GATA4: variants seen among roughly 807,000 people sequenced by gnomAD.
GATA4 encodes GATA binding protein 4.
GATA4 carries 7 observed loss-of-function variants against 37.9 expected under a neutral mutation model. The observed-to-expected ratio is 0.18, with a 90% CI of 0.11 to 0.35. The LOEUF (loss-of-function observed/expected upper bound fraction) is 0.35. GATA4 is among the 10% of genes least tolerant of loss of function. The pLI, the probability that GATA4 is intolerant of heterozygous loss-of-function variation, is 1.00. For synonymous variants in GATA4, 372 were observed against 292.6 expected, an observed-to-expected ratio of 1.27 and a Z score of -2.77; for missense variants, 647 against 653.0, an observed-to-expected ratio of 0.99 and a Z score of 0.10.
chr8:11,688,251 C>T (rs949827834), upstream of GATA4, among the ~76,000 whole-genome samples: 8 of 152,188 alleles, frequency 5.3e-5, no homozygotes, highest in African/African-American at 1.9e-4. Flanking sequence ...TGCGTCTATG[C>T]CTGAGGTCTC....
At chr8:11,742,323 A>C (rs532595494) in intron 2 of GATA4, among the ~76,000 whole-genome samples, 1 of 146,534 alleles carries the variant, frequency 6.8e-6, no homozygotes, top group African/African-American at 2.5e-5. Flanking sequence ...TTGTTCTTCA[A>C]CCTCTTCCTC....
At chr8:11,695,249 T>C (rs1799469928) in intron 1 of GATA4, among the ~76,000 whole-genome samples, 1 of 151,794 alleles carries the variant, frequency 6.6e-6, no homozygotes, top group East Asian at 1.9e-4. Context: ...CTATTAAAAA[T>C]ACAAAAATTA....
chr8:11,700,275 C>T (rs558489493), upstream of GATA4, among the ~76,000 whole-genome samples: 2 of 152,338 alleles, frequency 1.3e-5, no homozygotes, highest in Non-Finnish European at 2.9e-5. Flanking sequence ...AAGATGTATT[C>T]GCTTTGCAAC....
chr8:11,695,400 C>G (rs192619661), intron 1 of GATA4, among the ~76,000 whole-genome samples: 1 of 151,850 alleles, frequency 6.6e-6, no homozygotes, highest in Admixed American at 6.6e-5. Flanking sequence ...GAGTGAAACT[C>G]CATCTCAAAA....
intron 2 of GATA4, among the ~76,000 whole-genome samples, chr8:11,734,915 G>C (rs776143531): frequency 6.6e-6 from 1 of 152,120 alleles, no homozygotes; most frequent in Non-Finnish European, 1.5e-5. Context: ...ATCTAAATTT[G>C]GGTTATTCAC....
At chr8:11,685,285 G>C (rs1799101276) in intron 1 of GATA4, among the ~76,000 whole-genome samples, 1 of 152,224 alleles carries the variant, frequency 6.6e-6, no homozygotes, top group Admixed American at 6.5e-5. Flanking sequence ...AGAAAGAGAA[G>C]AGAGAAGACT....
chr8:11,686,170 C>G (rs1203203587), intron 1 of GATA4, among the ~76,000 whole-genome samples: 1 of 151,092 alleles, frequency 6.6e-6, no homozygotes, highest in African/African-American at 2.4e-5. Flanking sequence ...GAAGTGAGAT[C>G]CCACCATAAA....
rs981146712 is a variant in GATA4 at position 11,759,903 on chromosome 8, C to T, written c.*1428C>T. The T allele has an allele frequency of 3.9e-5, 6 of 152,784 alleles. No individual in the cohort carries two copies. The East Asian group carries it at 5.8e-4, about 15-fold the overall frequency. 9.5% of individuals were successfully genotyped at this position (152,784 alleles called of 1,614,324 possible). On this transcript the variant is annotated 3_prime_UTR_variant, in exon 7 of 7. Coordinates refer to ENST00000532059, the MANE Select transcript of GATA4 (RefSeq NM_001308093.3). ...CATTGTTTTCTTCCAAAGGCCCCCT[C>T]GTATACCCTCCCTAACCCACAAACC...
At position 11,709,473 on chromosome 8, in the gene GATA4, A is replaced by T. The variant is rs1800063620; in HGVS notation, c.616+545A>T. ...CGTCGGGGGTCTCACACCGAGAACAAAGGAGGGATGGACAAAGGAGACGCC... is the reference window on the plus strand; with the variant it reads ...CGTCGGGGGTCTCACACCGAGAACATAGGAGGGATGGACAAAGGAGACGCC... On this transcript the variant is annotated intron_variant, in intron 2 of 6. Transcript: ENST00000532059. The surrounding 1 kb of genome is among the most constrained non-coding windows in gnomAD (Gnocchi z 4.3). 6.6e-6 allele frequency among the ~76,000 whole-genome samples: 1 copy of T among 150,380 alleles called. No individual in the cohort carries two copies. Among genetic ancestry groups the T allele is most frequent in the African/African-American group, 2.5e-5 (1 of 40,768 alleles).
chr8:11,709,108 A>G lies in GATA4; in HGVS notation c.616+180A>G, dbSNP rs1490823612. ...GGGGCTGGCGACATCACAGCCCCAG[A>G]AGACCGGCTTCTGTGGAAGGGGCCG... On this transcript the variant is annotated intron_variant, in intron 2 of 6. Transcript: ENST00000532059. The surrounding 1 kb of genome is among the most constrained non-coding windows in gnomAD (Gnocchi z 4.3). Among the ~76,000 whole-genome samples the G allele has an allele frequency of 1.3e-5, 2 of 152,032 alleles. No homozygotes were observed. Among genetic ancestry groups the G allele is most frequent in the East Asian group, 3.9e-4 (2 of 5,152 alleles).
intron 4 of GATA4, among the ~76,000 whole-genome samples, chr8:11,752,860 G>A (rs1484895325): frequency 6.6e-6 from 1 of 152,112 alleles, no homozygotes; most frequent in Non-Finnish European, 1.5e-5. Flanking sequence ...ATGTATACAA[G>A]GATGTTTGTT....
chr8:11,678,420 G>A (rs745307442), intron 1 of GATA4, among the ~76,000 whole-genome samples: 1 of 152,154 alleles, frequency 6.6e-6, no homozygotes, highest in Non-Finnish European at 1.5e-5. Context: ...ACAATCATCT[G>A]CATTGCTTAT....
At chr8:11,726,299 C>T (rs1563211711) in intron 2 of GATA4, among the ~76,000 whole-genome samples, 2 of 152,216 alleles carry the variant, frequency 1.3e-5, no homozygotes, top group Admixed American at 6.5e-5. Flanking sequence ...GCCAGTTTTA[C>T]AGGGAGAAGG....
At chr8:11,755,206 C>T (rs1031174255) in intron 5 of GATA4, 73 bp downstream of exon 5, 105 of 1,322,918 alleles carry the variant, frequency 7.9e-5, no homozygotes, top group African/African-American at 6.1e-4. Flanking sequence ...TCATATCTTC[C>T]GGGTTAGGCA....
Position 11,757,092 on chromosome 8 carries a change from C to T in GATA4, c.1149+9C>T. 1 of 1,613,356 alleles carries T rather than the reference C, an allele frequency of 6.2e-7. No homozygotes were observed. On this transcript the variant is annotated intron_variant, in intron 6 of 6. Transcript: ENST00000532059. ...GCAGCTCCGTGTCCCAGGTACGCGC[C>T]ATGGCTGGGGCGCCAGGGCTGTTTG...
intron 1 of GATA4, among the ~76,000 whole-genome samples, chr8:11,697,033 T>A (rs1368896401): frequency 6.6e-6 from 1 of 152,072 alleles, no homozygotes; most frequent in Non-Finnish European, 1.5e-5. Flanking sequence ...GGCGATGAGG[T>A]CGGGATAGCT....
At chr8:11,740,854 C>G (rs1413042451) in intron 2 of GATA4, among the ~76,000 whole-genome samples, 2 of 152,046 alleles carry the variant, frequency 1.3e-5, no homozygotes, top group African/African-American at 4.8e-5. Context: ...CTGCCTCAGC[C>G]TCCCGAGTAG....
At position 11,707,379 on chromosome 8, in the gene GATA4, C is replaced by T. The variant is rs1799935789; in HGVS notation, c.-457-477C>T. 6.6e-6 allele frequency among the ~76,000 whole-genome samples: 1 copy of T among 151,284 alleles called. No individual in the cohort carries two copies. Among genetic ancestry groups the T allele is most frequent in the South Asian group, 2.1e-4 (1 of 4,800 alleles). On this transcript the variant is annotated intron_variant, in intron 1 of 6. Transcript: ENST00000532059. This position sits in a 1 kb window ranked among gnomAD's most constrained non-coding sequence, Gnocchi z 4.7. ...GGTTGTTGTTTTGTGTAAAGTTTGT[C>T]CTTGTCCCCCCAAGGACAATCTAAA...
chr8:11,678,230 A>C (rs1483745599), intron 1 of GATA4, among the ~76,000 whole-genome samples: 1 of 152,114 alleles, frequency 6.6e-6, no homozygotes, highest in Non-Finnish European at 1.5e-5. Context: ...AGGAGGACCC[A>C]GCAAGCGCTC....
Sources: gnomAD v4.1 joint callset for allele counts (sites outside exome capture counted in the v4.1 genomes callset) on GRCh38, gnomAD v4.1.1 for gene constraint, Gnocchi (gnomAD v3.1) non-coding constraint, MANE v1.5 for transcripts, NCBI Gene and HGNC (gene_info 2026-07-23, HGNC 2026-07-21) for gene names.